Variants in HCN1 observed in about 807,000 individuals in gnomAD.
HCN1 encodes the protein potassium/sodium hyperpolarization-activated cyclic nucleotide-gated channel 1.
Under a neutral mutation model 78.9 loss-of-function variants are expected in HCN1, and 13 were observed. The ratio of observed to expected loss-of-function variants is 0.16; its 90% CI spans 0.11 to 0.26. The LOEUF (loss-of-function observed/expected upper bound fraction) is 0.26. Ranked by LOEUF, HCN1 falls within the 10% of genes least tolerant of loss-of-function variation. HCN1 has a pLI of 1.00. For missense variants in HCN1, 810 were observed against 1,154.3 expected, an observed-to-expected ratio of 0.70 and a Z score of 4.32; for synonymous variants, 552 against 455.5, an observed-to-expected ratio of 1.21 and a Z score of -2.70.
At chr5:45,557,291 G>A (rs181385403) in intron 2 of HCN1, among the ~76,000 whole-genome samples, 1 of 151,934 alleles carries the variant, frequency 6.6e-6, no homozygotes, top group Admixed American at 6.6e-5. Flanking sequence ...AATTCTCAAC[G>A]GTTCTCGTCA....
At chr5:45,347,063 C>T (rs1052208914) in intron 5 of HCN1, among the ~76,000 whole-genome samples, 1 of 152,176 alleles carries the variant, frequency 6.6e-6, no homozygotes, top group Non-Finnish European at 1.5e-5. Flanking sequence ...GACTGCCTCC[C>T]CAAGTGGGTC....
At chr5:45,487,145 A>G (rs1741785640) in intron 2 of HCN1, among the ~76,000 whole-genome samples, 1 of 152,138 alleles carries the variant, frequency 6.6e-6, no homozygotes, top group Middle Eastern at 3.2e-3. Context: ...ACAATCTGAA[A>G]CAGAAATGTC....
At chr5:45,342,985 G>T (rs965042762) in intron 5 of HCN1, among the ~76,000 whole-genome samples, 3 of 152,144 alleles carry the variant, frequency 2.0e-5, no homozygotes, top group African/African-American at 7.2e-5. Flanking sequence ...GCCAGAGAAA[G>T]GAGATATAAG....
intron 5 of HCN1, among the ~76,000 whole-genome samples, chr5:45,312,457 GA>G (rs1256471596): frequency 6.6e-6 from 1 of 152,188 alleles, no homozygotes. Context: ...GAAGACGGAT[GA>G]TTTCTGCATT....
chr5:45,372,226 T>C (rs1286523398), intron 4 of HCN1, among the ~76,000 whole-genome samples: 16 of 74,562 alleles, frequency 2.1e-4, no homozygotes, highest in African/African-American at 9.8e-4. Flanking sequence ...ATAATATATA[T>C]AATATATATT....
At chr5:45,568,801 G>A (rs1386157289) in intron 2 of HCN1, among the ~76,000 whole-genome samples, 1 of 151,760 alleles carries the variant, frequency 6.6e-6, no homozygotes, top group Non-Finnish European at 1.5e-5. Context: ...TGTACGTAAG[G>A]GCTCGGAAAA....
At chr5:45,412,176 G>A (rs368498349) in intron 3 of HCN1, among the ~76,000 whole-genome samples, 2 of 152,224 alleles carry the variant, frequency 1.3e-5, no homozygotes, top group East Asian at 3.9e-4. Flanking sequence ...CATAGCTTCT[G>A]TGACTCATGC....
At chr5:45,590,895 A>G (rs541275525) in intron 2 of HCN1, among the ~76,000 whole-genome samples, 25 of 152,268 alleles carry the variant, frequency 1.6e-4, no homozygotes, top group African/African-American at 5.8e-4. Flanking sequence ...GCAGTGGCAC[A>G]ATCATAGCTC....
intron 5 of HCN1, among the ~76,000 whole-genome samples, chr5:45,347,482 T>C: frequency 6.6e-6 from 1 of 152,134 alleles, no homozygotes; most frequent in East Asian, 1.9e-4. Context: ...AGGAACGCAG[T>C]TGGTCACCAG....
intron 3 of HCN1, among the ~76,000 whole-genome samples, chr5:45,407,638 GCCTC>G (rs1221617865): frequency 1.3e-5 from 2 of 152,014 alleles, no homozygotes; most frequent in Non-Finnish European, 2.9e-5. Context: ...TCCTGCCTCA[GCCTC>G]CCAAGTAGCT....
chr5:45,259,049 TAAAC>T lies in HCN1; in HGVS notation c.*2868_*2871del, dbSNP rs888854861. The T allele has an allele frequency of 6.6e-6, 1 of 151,922 alleles. No homozygotes were observed. The highest frequency in any genetic ancestry group is 2.4e-5 in the African/African-American group (1 of 41,410). The allele number at this position is 151,922 out of a possible 1,614,324, so 9.4% of individuals were successfully genotyped here. ...CTCATATTTTACTATACGAAAAAGG[TAAAC>T]AAAGAAGTGGTTGAAAAATCCATGT... On this transcript the variant is annotated 3_prime_UTR_variant, in exon 8 of 8. Coordinates refer to ENST00000303230, the MANE Select transcript of HCN1 (RefSeq NM_021072.4).
intron 5 of HCN1, among the ~76,000 whole-genome samples, chr5:45,308,421 A>G (rs1745781202): frequency 6.6e-6 from 1 of 152,168 alleles, no homozygotes; most frequent in Non-Finnish European, 1.5e-5. Context: ...TTAAGAAAAT[A>G]AATATGATTT....
chr5:45,372,396 A>G (rs2112008189), intron 4 of HCN1, among the ~76,000 whole-genome samples: 1 of 117,654 alleles, frequency 8.5e-6, no homozygotes, highest in South Asian at 2.5e-4. Context: ...TATGTAAATT[A>G]TATAAAATAT....
intron 2 of HCN1, among the ~76,000 whole-genome samples, chr5:45,465,706 G>C (rs1741255987): frequency 6.6e-6 from 1 of 152,084 alleles, no homozygotes; most frequent in East Asian, 1.9e-4. Flanking sequence ...AGTGAGTCGA[G>C]ATCATGCCAC....
intron 2 of HCN1, among the ~76,000 whole-genome samples, chr5:45,501,568 G>A (rs1472899464): frequency 1.3e-5 from 2 of 152,042 alleles, no homozygotes; most frequent in African/African-American, 4.8e-5. Flanking sequence ...CTGAGTCTGA[G>A]TAGCTGGGAC....
intron 2 of HCN1, chr5:45,643,601 T>G (rs568870879): frequency 1.4e-3 from 216 of 152,298 alleles, no homozygotes; most frequent in African/African-American, 5.0e-3. Flanking sequence ...CTCCTGAGTC[T>G]GATTGCCAAG....
chr5:45,622,823 C>T (rs1192045990), intron 2 of HCN1, among the ~76,000 whole-genome samples: 2 of 152,050 alleles, frequency 1.3e-5, no homozygotes, highest in African/African-American at 2.4e-5. Context: ...TAAGGTTATA[C>T]AATTAATACC....
intron 3 of HCN1, among the ~76,000 whole-genome samples, chr5:45,397,754 C>T (rs925468838): frequency 2.6e-5 from 4 of 150,966 alleles, no homozygotes; most frequent in African/African-American, 4.9e-5. Context: ...TTTTAAAAAT[C>T]AATATTTTAA....
intron 6 of HCN1, among the ~76,000 whole-genome samples, chr5:45,297,741 C>A (rs956644008): frequency 6.6e-6 from 1 of 151,980 alleles, no homozygotes; most frequent in Non-Finnish European, 1.5e-5. Context: ...CAATCCAATA[C>A]ATTTTCACAT....
Sources: allele counts gnomAD v4.1 joint callset (sites outside exome capture counted in the v4.1 genomes callset), GRCh38; gene constraint gnomAD v4.1.1; transcripts MANE v1.5; gene names NCBI Gene and HGNC (gene_info 2026-07-23, HGNC 2026-07-21).